Variants in GNB3 observed in about 807,000 individuals in gnomAD.
The protein encoded by GNB3 is guanine nucleotide-binding protein G(I)/G(S)/G(T) subunit beta-3.
A neutral mutation model predicts 41.2 loss-of-function variants in GNB3; 33 were observed. The ratio of observed to expected loss-of-function variants is 0.80; its 90% CI spans 0.61 to 1.07. The LOEUF (loss-of-function observed/expected upper bound fraction) is 1.07, where lower values mean the gene tolerates loss of function less well. GNB3 is among the 50% of genes least tolerant of loss of function. GNB3 has a pLI of 0.00. For synonymous variants in GNB3, 172 were observed against 173.4 expected, an observed-to-expected ratio of 0.99 and a Z score of 0.06; for missense variants, 409 against 455.3, an observed-to-expected ratio of 0.90 and a Z score of 0.92.
intron 2 of GNB3, 97 bp downstream of exon 2, chr12:6,841,441 T>TAGA (rs1943572101): frequency 8.2e-7 from 1 of 1,226,994 alleles, no homozygotes; most frequent in African/African-American, 1.5e-5. Context: ...CTTGAGTGAC[T>TAGA]AGAAGTGACC....
At chr12:6,845,398 C>T (rs1258439550) in intron 8 of GNB3, 188 bp from the exon 9 acceptor site, 1 of 600,776 alleles carries the variant, frequency 1.7e-6, no homozygotes. Context: ...GGGCGAGGGG[C>T]ATAGGGAAGT....
rs1171910840 is a variant in GNB3, at chr12:6,844,091, GTATTT to G, written c.699+115_699+119del. 3.9e-4 allele frequency: 100 copies of G among 258,782 alleles called. 2 individuals carry two copies. Among genetic ancestry groups the G allele is most frequent in the Admixed American group, 7.2e-4 (11 of 15,208 alleles). 16.0% of individuals were successfully genotyped at this position (258,782 alleles called of 1,614,324 possible). On this transcript the variant is annotated intron_variant, in intron 8 of 9. Transcript: ENST00000229264. ...ATAGCTTCCCTAGCCCTTTCTTACTGTATTTTTTTTTTTTTTTTTTTTTTTTTTGA... is the reference window on the plus strand; with the variant it reads ...ATAGCTTCCCTAGCCCTTTCTTACTGTTTTTTTTTTTTTTTTTTTTTTTGA...
intron 3 of GNB3, 54 bp downstream of exon 3, chr12:6,841,678 C>A: frequency 7.4e-7 from 1 of 1,342,542 alleles, no homozygotes; most frequent in African/African-American, 1.4e-5. Flanking sequence ...GAAGGGAGCT[C>A]CCCGACCCGC....
intron 3 of GNB3, 150 bp from the exon 4 acceptor site, chr12:6,842,820 G>T: frequency 1.8e-6 from 1 of 560,740 alleles, no homozygotes; most frequent in Non-Finnish European, 3.2e-6. Flanking sequence ...ATCAGTCTAA[G>T]ACACTCCAGG....
chr12:6,841,703 C>G (rs781869004), intron 3 of GNB3, 79 bp downstream of exon 3: 4 of 1,027,006 alleles, frequency 3.9e-6, no homozygotes, highest in African/African-American at 1.6e-5. Context: ...GCGCGTTGCT[C>G]CGAGCATTAG....
chr12:6,845,844 C>T, intron 9 of GNB3, 42 bp downstream of exon 9: 1 of 1,280,920 alleles, frequency 7.8e-7, no homozygotes, highest in Non-Finnish European at 1.1e-6. Flanking sequence ...GCTGGAAGGA[C>T]CCTCCCCAGC....
intron 3 of GNB3, among the ~76,000 whole-genome samples, chr12:6,842,709 C>G (rs1387586056): frequency 6.6e-6 from 1 of 152,198 alleles, no homozygotes; most frequent in African/African-American, 2.4e-5. Context: ...GTATTCGTAT[C>G]GTGGAAATCA....
rs1943625722 is a variant in GNB3 at position 6,843,864 on chromosome 12, C to T, written c.585C>T (p.Asp195=). 6.2e-7 allele frequency: 1 copy of T among 1,613,918 alleles called. No homozygotes were observed. The highest frequency in any genetic ancestry group is 8.5e-7 in the Non-Finnish European group (1 of 1,179,854). The part of the protein sequence containing the change: ...GDCMSLAVSP[D]FNLFISGACD... ...GCATGAGCCTGGCTGTGTCTCCTGA[C>T]TTCAATCTCTTCATTTCGGGGGCCT... is the stretch of plus-strand genomic sequence containing the variant. Residue 195 remains aspartate (D), a synonymous_variant, in exon 8 of 10, where the codon GAC becomes GAT. Coordinates refer to ENST00000229264, the MANE Select transcript of GNB3 (RefSeq NM_002075.4). The surrounding 1 kb of genome is among the most constrained non-coding windows in gnomAD (Gnocchi z 5.9).
chr12:6,843,366 C>A lies in GNB3; in HGVS notation c.271C>A (p.His91Asn). The change falls in exon 6 of 10, where the codon CAC becomes AAC. Residue 91 changes from histidine (H) to asparagine (N), a missense_variant. His to Asn is a moderately conservative substitution (Grantham distance 68, BLOSUM62 1). Transcript: ENST00000229264. The surrounding 1 kb of genome is among the most constrained non-coding windows in gnomAD (Gnocchi z 5.9). ...VWDSYTTNKV[H>N]AIPLRSSWVM... The stretch of plus-strand genomic sequence containing the variant: ...GCTCAAACCACCCTCCCTGCAGGTG[C>A]ACGCCATCCCACTGCGCTCCTCCTG... 1 of 1,614,026 alleles carries A rather than the reference C, an allele frequency of 6.2e-7. No homozygotes were observed. The highest frequency in any genetic ancestry group is 8.5e-7 in the Non-Finnish European group (1 of 1,179,904).
chr12:6,842,729 CT>C (rs1471074367), intron 3 of GNB3, among the ~76,000 whole-genome samples: 1 of 152,220 alleles, frequency 6.6e-6, no homozygotes, highest in African/African-American at 2.4e-5. Context: ...ACCTTCCCAC[CT>C]TCCTCACCAA....
rs1555123941 is a variant in GNB3 at position 6,843,714 on chromosome 12, G to A, written c.497+16G>A. 6.2e-7 allele frequency: 1 copy of A among 1,613,748 alleles called. No individual in the cohort carries two copies. The highest frequency in any genetic ancestry group is 1.7e-5 in the Admixed American group (1 of 60,026). On this transcript the variant is annotated intron_variant, in intron 7 of 9. Transcript: ENST00000229264. The surrounding 1 kb of genome is among the most constrained non-coding windows in gnomAD (Gnocchi z 5.9). ...ACACCACGTGGTGAGGCTGAACATTGCTGGTGCTGGGGCTTGGGAGTGGGC... is the reference window on the plus strand; with the variant it reads ...ACACCACGTGGTGAGGCTGAACATTACTGGTGCTGGGGCTTGGGAGTGGGC...
rs1406676471 is a variant in GNB3 at position 6,843,303 on chromosome 12, C to G, written c.268-60C>G. The G allele has an allele frequency of 3.1e-6, 5 of 1,610,850 alleles. No individual in the cohort carries two copies. The African/African-American group carries it at 6.7e-5, about 22-fold the overall frequency. ...TCCTAAGGGCGCCATGCCTACCCTC[C>G]TGTGCCCAGCTGGGAGCTTGGCTCC... On this transcript the variant is annotated intron_variant, in intron 5 of 9. Coordinates refer to ENST00000229264, the MANE Select transcript of GNB3 (RefSeq NM_002075.4). The surrounding 1 kb of genome is among the most constrained non-coding windows in gnomAD (Gnocchi z 5.9).
intron 9 of GNB3, 93 bp from the exon 10 acceptor site, chr12:6,846,699 A>C (rs1591593841): frequency 1.2e-5 from 8 of 667,094 alleles, no homozygotes; most frequent in Admixed American, 6.7e-5. Context: ...ACACACACAC[A>C]CCCACACACC....
In GNB3 at chr12:6,843,344, C is replaced by T; in HGVS notation, c.268-19C>T. 6.2e-7 allele frequency: 1 copy of T among 1,613,600 alleles called. No individual in the cohort carries two copies. The highest frequency in any genetic ancestry group is 8.5e-7 in the Non-Finnish European group (1 of 1,179,572). ...GCTTGGCTCCGGTCCCATCTCTGCTCAAACCACCCTCCCTGCAGGTGCACG... is the reference window on the plus strand; with the variant it reads ...GCTTGGCTCCGGTCCCATCTCTGCTTAAACCACCCTCCCTGCAGGTGCACG... On this transcript the variant is annotated intron_variant, in intron 5 of 9. Transcript: ENST00000229264. This position sits in a 1 kb window ranked among gnomAD's most constrained non-coding sequence, Gnocchi z 5.9.
Position 6,843,085 on chromosome 12 carries a change from TG to T in GNB3, c.203+16del, listed in dbSNP as rs545677946. 1.1e-5 allele frequency: 17 copies of T among 1,604,014 alleles called. No homozygotes were observed. In the African/African-American group the frequency reaches 1.1e-4, roughly 10 times the overall value. On this transcript the variant is annotated intron_variant, in intron 4 of 9. Coordinates refer to ENST00000229264, the MANE Select transcript of GNB3 (RefSeq NM_002075.4). The surrounding 1 kb of genome is among the most constrained non-coding windows in gnomAD (Gnocchi z 5.9). ...TGGGCCACTGATTCTAAGTGAGGCTTGGGGGGGAACCGAGAATGGGAGGGTG... is the reference window on the plus strand; with the variant it reads ...TGGGCCACTGATTCTAAGTGAGGCTTGGGGGGAACCGAGAATGGGAGGGTG...
Position 6,841,663 on chromosome 12 carries a change from G to T in GNB3, c.96+39G>T. 1.4e-5 allele frequency: 21 copies of T among 1,517,858 alleles called. No individual in the cohort carries two copies. In the South Asian group the frequency reaches 2.4e-4, roughly 17 times the overall value. The allele number at this position is 1,517,858 out of a possible 1,614,324, so 94.0% of individuals were successfully genotyped here. A position where few individuals can be genotyped will look rare whatever the true frequency, so the allele number is the denominator to read the frequency against. ...TCCCCCGGAAGGCAGGGCATGGGGGGAGGGGAAGGGAGCTCCCCGACCCGC... is the reference window on the plus strand; with the variant it reads ...TCCCCCGGAAGGCAGGGCATGGGGGTAGGGGAAGGGAGCTCCCCGACCCGC... On this transcript the variant is annotated intron_variant, in intron 3 of 9. Coordinates refer to ENST00000229264, the MANE Select transcript of GNB3 (RefSeq NM_002075.4).
At chr12:6,846,239 TCTC>T (rs2137993534) in intron 9 of GNB3, 1 of 180,474 alleles carries the variant, frequency 5.5e-6, no homozygotes, top group African/African-American at 2.4e-5. Context: ...GATGGCTTCT[TCTC>T]TATCAAGAGG....
In GNB3 at chr12:6,845,785, T is replaced by C; in HGVS notation, c.899T>C (p.Met300Thr). The C allele has an allele frequency of 1.2e-6, 2 of 1,613,744 alleles. No individual in the cohort carries two copies. Among genetic ancestry groups the C allele is most frequent in the East Asian group, 2.2e-5 (1 of 44,886 alleles). The change falls in exon 9 of 10, where the codon ATG becomes ACG. Residue 300 changes from methionine (M) to threonine (T), a missense_variant. Physicochemically the swap from Met to Thr is moderately conservative, Grantham distance 81. Coordinates refer to ENST00000229264, the MANE Select transcript of GNB3 (RefSeq NM_002075.4). ...DDFNCNVWDSMKSERVGILSG... is the reference protein window; with the variant it reads ...DDFNCNVWDSTKSERVGILSG... ...TTCAACTGCAATGTCTGGGACTCCA[T>C]GAAGTCTGAGCGTGTGGGTAAGGGC...
At position 6,845,663 on chromosome 12, in the gene GNB3, G is replaced by A. The variant is rs1591592383; in HGVS notation, c.777G>A (p.Gln259=). 9 of 1,614,092 alleles carry A rather than the reference G, an allele frequency of 5.6e-6. No homozygotes were observed. The East Asian group carries it at 2.0e-4, about 36-fold the overall frequency. Residue 259 remains glutamine (Q), a synonymous_variant, in exon 9 of 10, where the codon CAG becomes CAA. Coordinates refer to ENST00000229264, the MANE Select transcript of GNB3 (RefSeq NM_002075.4). ...SCRLFDLRAD[Q]ELICFSHESI... is the part of the protein sequence containing the mutation. ...GCTTGTTTGACCTGCGGGCAGACCAGGAGCTGATCTGCTTCTCCCACGAGA... is the reference window on the plus strand; with the variant it reads ...GCTTGTTTGACCTGCGGGCAGACCAAGAGCTGATCTGCTTCTCCCACGAGA...
Sources: gnomAD v4.1 joint callset for allele counts (sites outside exome capture counted in the v4.1 genomes callset) on GRCh38, gnomAD v4.1.1 for gene constraint, Gnocchi (gnomAD v3.1) non-coding constraint, MANE v1.5 for transcripts, NCBI Gene and HGNC (gene_info 2026-07-23, HGNC 2026-07-21) for gene names.